Variants in ZBBX observed in about 807,000 individuals in gnomAD.
ZBBX encodes the protein zinc finger B-box domain containing, also known as zinc finger B-box domain-containing protein 1.
In ZBBX, 101 loss-of-function variants were observed where a neutral mutation model predicts 108.5. The observed-to-expected ratio is 0.93, with a 90% confidence interval of 0.79 to 1.10. The LOEUF is 1.10. ZBBX is among the 50% of genes least tolerant of loss of function. The probability of loss-of-function intolerance (pLI) is 0.00; values close to 1 mark genes in which losing one functional copy is unlikely to be tolerated. For missense variants in ZBBX, 1,009 were observed against 941.4 expected (o/e 1.07, Z -0.94); for synonymous variants, 356 against 323.4 (o/e 1.10, Z -1.08).
intron 10 of ZBBX, among the ~76,000 whole-genome samples, chr3:167,330,965 C>CTCTCTCTCTCTCTCTCTCTCT (rs1738494843): frequency 4.1e-5 from 6 of 146,914 alleles, no homozygotes; most frequent in South Asian, 2.2e-4. Context: ...CTCTCTCTCT[C>CTCTCTCTCTCTCTCTCTCTCT]CCCCACTCCC....
intron 18 of ZBBX, among the ~76,000 whole-genome samples, chr3:167,295,849 T>C (rs1731614338): frequency 6.7e-6 from 1 of 148,178 alleles, no homozygotes; most frequent in Non-Finnish European, 1.5e-5. Context: ...GTGAGTTCTA[T>C]CACACATTTG....
chr3:167,330,463 G>A (rs1002224543), intron 10 of ZBBX, among the ~76,000 whole-genome samples: 3 of 151,998 alleles, frequency 2.0e-5, no homozygotes, highest in African/African-American at 2.4e-5. Flanking sequence ...TTGCATCACC[G>A]TGCACAAATT....
At chr3:167,336,591 G>A (rs1473431007) in intron 9 of ZBBX, among the ~76,000 whole-genome samples, 1 of 152,066 alleles carries the variant, frequency 6.6e-6, no homozygotes, top group African/African-American at 2.4e-5. Context: ...AAAATGTCGT[G>A]ACTTGAAATA....
intron 20 of ZBBX, among the ~76,000 whole-genome samples, chr3:167,270,828 A>G (rs543668282): frequency 1.3e-5 from 2 of 152,330 alleles, no homozygotes; most frequent in South Asian, 4.1e-4. Context: ...AACCTTAACT[A>G]CTGATAATTC....
intron 11 of ZBBX, among the ~76,000 whole-genome samples, chr3:167,323,259 CTT>C (rs771206521): frequency 1.5e-5 from 2 of 134,248 alleles, no homozygotes; most frequent in Admixed American, 1.6e-4. Context: ...GGAAAGAACT[CTT>C]TTGTTTTTGC....
At position 167,331,708 on chromosome 3, in the gene ZBBX, C is replaced by T. The variant is rs909680613; in HGVS notation, c.687+2119G>A. 20 of 716,396 alleles carry T rather than the reference C, an allele frequency of 2.8e-5. No individual in the cohort carries two copies. In the Admixed American group the frequency reaches 3.8e-4, roughly 14 times the overall value. The allele number at this position is 716,396 out of a possible 1,614,324, so 44.4% of individuals were successfully genotyped here. On this transcript the variant is annotated intron_variant, in intron 10 of 21. Transcript: ENST00000675490. ...CCCAATGCTAAAAGAAATTTGAAGACGCACATAGAAATTCAATGCTGTACA... is the reference window on the plus strand; with the variant it reads ...CCCAATGCTAAAAGAAATTTGAAGATGCACATAGAAATTCAATGCTGTACA...
At chr3:167,241,220 C>T (rs1720618618) in intron 21 of ZBBX, among the ~76,000 whole-genome samples, 1 of 152,102 alleles carries the variant, frequency 6.6e-6, no homozygotes, top group Non-Finnish European at 1.5e-5. Context: ...ACCTGCAGAG[C>T]CTCAGGGTCA....
chr3:167,356,538 A>G (rs1482378852), intron 8 of ZBBX, among the ~76,000 whole-genome samples: 1 of 152,134 alleles, frequency 6.6e-6, no homozygotes, highest in East Asian at 1.9e-4. Context: ...TTTGAAGAGG[A>G]AACTGCTTTT....
At chr3:167,294,607 G>A (rs1731299663) in intron 18 of ZBBX, among the ~76,000 whole-genome samples, 1 of 151,874 alleles carries the variant, frequency 6.6e-6, no homozygotes, top group Non-Finnish European at 1.5e-5. Context: ...AAGAAAACCT[G>A]GCAATACCAT....
the ZBBX span, among the ~76,000 whole-genome samples, chr3:167,203,187 T>TGG: frequency 1.3e-5 from 2 of 152,126 alleles, no homozygotes; most frequent in Non-Finnish European, 2.9e-5. Context: ...CTGAGGCCTT[T>TGG]GTCTTTGGTT....
the ZBBX span, among the ~76,000 whole-genome samples, chr3:167,198,402 A>G: frequency 6.6e-6 from 1 of 152,178 alleles, no homozygotes; most frequent in Non-Finnish European, 1.5e-5. Context: ...TAAAAATATT[A>G]TTTGTAAAAT....
intron 16 of ZBBX, among the ~76,000 whole-genome samples, chr3:167,312,132 G>C (rs1021695943): frequency 6.6e-6 from 1 of 152,012 alleles, no homozygotes; most frequent in African/African-American, 2.4e-5. Flanking sequence ...GCCACAAAAA[G>C]ACAAGGAGAA....
At chr3:167,250,166 T>G (rs1030314816) in intron 20 of ZBBX, among the ~76,000 whole-genome samples, 1 of 152,104 alleles carries the variant, frequency 6.6e-6, no homozygotes, top group African/African-American at 2.4e-5. Flanking sequence ...TGGGACCAGA[T>G]AGTACATTAG....
chr3:167,381,360 C>T (rs1747706718), upstream of ZBBX: 1 of 152,096 alleles, frequency 6.6e-6, no homozygotes, highest in Non-Finnish European at 1.5e-5. Flanking sequence ...AATGCTCAGT[C>T]TAACTGCTTA....
At chr3:167,189,575 A>T in the ZBBX span, among the ~76,000 whole-genome samples, 1 of 152,244 alleles carries the variant, frequency 6.6e-6, no homozygotes, top group Non-Finnish European at 1.5e-5. Context: ...TCAATAGTTA[A>T]GTACAATTCT....
chr3:167,193,933 A>G, the ZBBX span, among the ~76,000 whole-genome samples: 1 of 152,118 alleles, frequency 6.6e-6, no homozygotes, highest in Admixed American at 6.5e-5. Flanking sequence ...GGTTGGTCTC[A>G]TGGAAGTAGA....
rs1180321081 is a variant in ZBBX, at chr3:167,239,890, G to C, written c.*903C>G. On this transcript the variant is annotated 3_prime_UTR_variant, in exon 22 of 22. Transcript: ENST00000675490. Reference sequence around the variant, plus strand: ...TAATTGACTCACAGTTCAGCATGGTGGGGGAGGCCTCAGGAAATCATGGTG... The same window carrying C: ...TAATTGACTCACAGTTCAGCATGGTCGGGGAGGCCTCAGGAAATCATGGTG... 6.6e-6 allele frequency among the ~76,000 whole-genome samples: 1 copy of C among 152,126 alleles called. No homozygotes were observed. Among genetic ancestry groups the C allele is most frequent in the East Asian group, 1.9e-4 (1 of 5,190 alleles).
chr3:167,322,898 G>A (rs979302676), intron 11 of ZBBX, among the ~76,000 whole-genome samples: 1 of 152,078 alleles, frequency 6.6e-6, no homozygotes, highest in African/African-American at 2.4e-5. Context: ...AAGGGAAATA[G>A]TAAAGATGGG....
intron 20 of ZBBX, among the ~76,000 whole-genome samples, chr3:167,281,438 T>C (rs1459492536): frequency 2.6e-5 from 4 of 152,036 alleles, no homozygotes; most frequent in African/African-American, 9.7e-5. Context: ...CCAAGATCAA[T>C]AAAGGAAGAG....
Sources: gnomAD v4.1 joint callset for allele counts (sites outside exome capture counted in the v4.1 genomes callset) on GRCh38, gnomAD v4.1.1 for gene constraint, MANE v1.5 for transcripts, NCBI Gene and HGNC (gene_info 2026-07-23, HGNC 2026-07-21) for gene names.